Variants in BAIAP2L1 observed in about 807,000 individuals in gnomAD.
BAIAP2L1 encodes BAR/IMD domain containing adaptor protein 2 like 1, also known as BAR/IMD domain-containing adapter protein 2-like 1.
BAIAP2L1 carries 35 observed loss-of-function variants against 66.3 expected under a neutral mutation model. That is an observed-to-expected ratio of 0.53 (90% CI 0.40 to 0.70). BAIAP2L1 has a LOEUF of 0.70. BAIAP2L1 is among the 30% of genes least tolerant of loss of function. The pLI is 0.00. For synonymous variants in BAIAP2L1, 269 were observed against 248.7 expected (o/e 1.08, Z -0.77); for missense variants, 622 against 656.9 (o/e 0.95, Z 0.58).
At chr7:98,338,237 G>A (rs973827934) in intron 3 of BAIAP2L1, among the ~76,000 whole-genome samples, 13 of 151,788 alleles carry the variant, frequency 8.6e-5, no homozygotes, top group African/African-American at 2.9e-4. Flanking sequence ...TCGAGACCAC[G>A]GTGAAAACCC....
At chr7:98,355,563 A>AAAC (rs1362750365) in intron 2 of BAIAP2L1, 2 of 163,524 alleles carry the variant, frequency 1.2e-5, no homozygotes, top group African/African-American at 4.8e-5. Context: ...CTACAAAAAA[A>AAAC]AAAAAAAATA....
At chr7:98,355,188 C>T in intron 2 of BAIAP2L1, 60 bp from the exon 3 acceptor site, 1 of 1,245,870 alleles carries the variant, frequency 8.0e-7, no homozygotes. Flanking sequence ...GGAAGCAACA[C>T]AAGTTTTCTT....
chr7:98,325,691 A>G (rs1323795736), intron 3 of BAIAP2L1, among the ~76,000 whole-genome samples: 1 of 152,056 alleles, frequency 6.6e-6, no homozygotes, highest in Non-Finnish European at 1.5e-5. Flanking sequence ...AAATATATAC[A>G]TACAAAAAAA....
intron 12 of BAIAP2L1, among the ~76,000 whole-genome samples, chr7:98,298,549 T>C (rs966054848): frequency 3.3e-5 from 5 of 150,572 alleles, no homozygotes; most frequent in East Asian, 2.0e-4. Flanking sequence ...GGAGGTGGAG[T>C]TTGCAGTGAG....
At chr7:98,364,163 G>A (rs1802337421) in intron 1 of BAIAP2L1, among the ~76,000 whole-genome samples, 2 of 152,048 alleles carry the variant, frequency 1.3e-5, no homozygotes, top group Admixed American at 1.3e-4. Flanking sequence ...ATTTGCTGAT[G>A]AAACTATAGT....
chr7:98,353,685 C>T (rs962878492), intron 3 of BAIAP2L1, among the ~76,000 whole-genome samples: 69 of 141,908 alleles, frequency 4.9e-4, no homozygotes, highest in African/African-American at 1.7e-3. Flanking sequence ...TATGGCTGGG[C>T]GCGGTGGCTC....
intron 3 of BAIAP2L1, among the ~76,000 whole-genome samples, chr7:98,353,208 C>A (rs1373718200): frequency 6.6e-6 from 1 of 150,892 alleles, no homozygotes; most frequent in African/African-American, 2.4e-5. Context: ...TTAAATATAG[C>A]AGTACTGGGC....
chr7:98,343,442 C>G (rs1479268269), intron 3 of BAIAP2L1, among the ~76,000 whole-genome samples: 1 of 151,972 alleles, frequency 6.6e-6, no homozygotes, highest in South Asian at 2.1e-4. Context: ...CAGAGCCAGA[C>G]TCTGTCTCAA....
In BAIAP2L1 at chr7:98,312,223, C is replaced by T. The variant is rs1337975316; in HGVS notation, c.681G>A (p.Glu227=). The change falls in exon 8 of 14, where the codon GAG becomes GAA. Residue 227 remains glutamate (E), a synonymous_variant. Coordinates refer to ENST00000005260, the MANE Select transcript of BAIAP2L1 (RefSeq NM_018842.5). The stretch of plus-strand genomic sequence containing the variant: ...GCACTTTGATGGCATCAACACAGGT[C>T]TCCTGCCACCGAGGCAGCTTGGAAT... ...LLNSKLPRWQ[E]TCVDAIKVPE... 1.9e-6 allele frequency: 3 copies of T among 1,613,736 alleles called. No homozygotes were observed. The highest frequency in any genetic ancestry group is 2.5e-6 in the Non-Finnish European group (3 of 1,179,892).
intron 12 of BAIAP2L1, among the ~76,000 whole-genome samples, chr7:98,295,596 G>A (rs752116105): frequency 7.2e-5 from 11 of 152,146 alleles, no homozygotes; most frequent in Non-Finnish European, 1.6e-4. Flanking sequence ...GGCCATGGCT[G>A]GGCCTGAGGC....
chr7:98,346,016 G>T (rs1043025202), intron 3 of BAIAP2L1, among the ~76,000 whole-genome samples: 3 of 152,130 alleles, frequency 2.0e-5, no homozygotes, highest in Non-Finnish European at 4.4e-5. Flanking sequence ...AATGGGTGAG[G>T]GTTTCTTTTT....
Position 98,294,131 on chromosome 7 carries a change from G to A in BAIAP2L1, c.1423-20C>T. 1.2e-6 allele frequency: 2 copies of A among 1,612,834 alleles called. No individual in the cohort carries two copies. Among genetic ancestry groups the A allele is most frequent in the Non-Finnish European group, 8.5e-7 (1 of 1,178,866 alleles). On this transcript the variant is annotated intron_variant, in intron 12 of 13. Coordinates refer to ENST00000005260, the MANE Select transcript of BAIAP2L1 (RefSeq NM_018842.5). ...ATCGTTCTGTGAGAAAGATAAAGAA[G>A]TTTATGGAGGGCTTAGAATTGGTCT...
rs373847280 is a variant in BAIAP2L1, at chr7:98,382,295, G to A, written c.51+18507C>T. Among the ~76,000 whole-genome samples the A allele has an allele frequency of 4.6e-5, 7 of 152,242 alleles. No individual in the cohort carries two copies. The East Asian group carries it at 9.7e-4, about 21-fold the overall frequency. On this transcript the variant is annotated intron_variant, in intron 1 of 13. Transcript: ENST00000005260. ...ACAATGTACAGGAAAACTGAGCTCA[G>A]CCCATCTGAGAAGGTAACTTGAAGG... is the stretch of plus-strand genomic sequence containing the variant.
chr7:98,400,488 G>A (rs1353611396), intron 1 of BAIAP2L1, among the ~76,000 whole-genome samples: 1 of 122,624 alleles, frequency 8.2e-6, no homozygotes, highest in Non-Finnish European at 1.7e-5. Context: ...GAGTGAACGG[G>A]GAGCGGAGGG....
At chr7:98,298,676 G>A (rs1454719007) in intron 12 of BAIAP2L1, among the ~76,000 whole-genome samples, 2 of 152,146 alleles carry the variant, frequency 1.3e-5, no homozygotes, top group African/African-American at 4.8e-5. Flanking sequence ...TGTTTGGCCT[G>A]GGATATAACA....
At chr7:98,357,020 A>AAAAT (rs1554337328) in intron 2 of BAIAP2L1, among the ~76,000 whole-genome samples, 15 of 28,102 alleles carry the variant, frequency 5.3e-4, no homozygotes, top group East Asian at 4.6e-3. Flanking sequence ...AAAAAAAAAA[A>AAAAT]ATATATATAT....
chr7:98,294,351 T>C (rs1232081441), intron 12 of BAIAP2L1, among the ~76,000 whole-genome samples: 1 of 152,106 alleles, frequency 6.6e-6, no homozygotes, highest in African/African-American at 2.4e-5. Flanking sequence ...TAAGGGATGT[T>C]TAAAAGTGCC....
chr7:98,341,710 G>C (rs929116317), intron 3 of BAIAP2L1, among the ~76,000 whole-genome samples: 1 of 151,940 alleles, frequency 6.6e-6, no homozygotes. Context: ...TAACAAGCAT[G>C]GGCCTCACAG....
rs73709473 is a variant in BAIAP2L1 at position 98,366,433 on chromosome 7, G to C, written c.52-4001C>G. On this transcript the variant is annotated intron_variant, in intron 1 of 13. Coordinates refer to ENST00000005260, the MANE Select transcript of BAIAP2L1 (RefSeq NM_018842.5). ...TCTGCGGCCCAGTCCTCAGCCTCTG[G>C]GGCCCCTGGGGTGAATGGCTCAGTT... Among the ~76,000 whole-genome samples, 1,273 of 152,200 alleles carry C rather than the reference G, an allele frequency of 8.4e-3. 16 individuals are homozygous for C. The highest frequency in any genetic ancestry group is 0.029 in the African/African-American group (1,213 of 41,534).
Sources: gnomAD v4.1 joint callset for allele counts (sites outside exome capture counted in the v4.1 genomes callset) on GRCh38, gnomAD v4.1.1 for gene constraint, MANE v1.5 for transcripts, NCBI Gene and HGNC (gene_info 2026-07-23, HGNC 2026-07-21) for gene names.